TENM4: variants seen among roughly 807,000 people sequenced by gnomAD.
TENM4 encodes teneurin-4.
A neutral mutation model predicts 243.3 loss-of-function variants in TENM4; 82 were observed. The ratio of observed to expected loss-of-function variants is 0.34; its 90% CI spans 0.28 to 0.40. TENM4 has a LOEUF of 0.40. Ranked by LOEUF, TENM4 falls within the 10% of genes least tolerant of loss-of-function variation. TENM4 has a pLI of 1.00. For missense variants in TENM4, 3,138 were observed against 3,673.3 expected (o/e 0.85, Z 3.77); for synonymous variants, 1,412 against 1,456.3 (o/e 0.97, Z 0.69).
chr11:79,075,036 C>A (rs549349526), intron 4 of TENM4, among the ~76,000 whole-genome samples: 3 of 152,186 alleles, frequency 2.0e-5, no homozygotes, highest in African/African-American at 7.2e-5. Flanking sequence ...GGATCCTGAC[C>A]AATGATACAG....
intron 6 of TENM4, among the ~76,000 whole-genome samples, chr11:78,917,416 G>A (rs1208988614): frequency 6.6e-6 from 1 of 152,202 alleles, no homozygotes; most frequent in African/African-American, 2.4e-5. Context: ...GGGAAAAGGT[G>A]GAAAGCATCT....
chr11:78,687,510 G>A (rs557571299), intron 29 of TENM4, among the ~76,000 whole-genome samples: 25 of 152,178 alleles, frequency 1.6e-4, no homozygotes, highest in African/African-American at 5.5e-4. Flanking sequence ...GAACAATTGA[G>A]GCAGATAATT....
intron 1 of TENM4, among the ~76,000 whole-genome samples, chr11:79,339,803 G>A (rs1410588645): frequency 1.3e-5 from 2 of 152,112 alleles, no homozygotes; most frequent in Non-Finnish European, 2.9e-5. Context: ...GAGGAGGGAT[G>A]AAGGAGAAAG....
chr11:78,967,686 C>T (rs1857465319), intron 6 of TENM4, among the ~76,000 whole-genome samples: 1 of 152,176 alleles, frequency 6.6e-6, no homozygotes, highest in Non-Finnish European at 1.5e-5. Context: ...GTAGGTGTGC[C>T]TTCCCACATG....
At position 78,656,150 on chromosome 11, in the gene TENM4, T is replaced by G. The variant is rs1310491281; in HGVS notation, c.*1908A>C. On this transcript the variant is annotated 3_prime_UTR_variant, in exon 34 of 34. Transcript: ENST00000278550. ...TCTGCCAGGCAGAACCCAGACTACA[T>G]GCTGCTCCGATCCTCATGCAGTCAG... is the stretch of plus-strand genomic sequence containing the variant. 2.0e-5 allele frequency: 3 copies of G among 152,352 alleles called. No individual in the cohort carries two copies. In the East Asian group the frequency reaches 5.8e-4, roughly 29 times the overall value. 9.4% of individuals were successfully genotyped at this position (152,352 alleles called of 1,614,324 possible). A position where few individuals can be genotyped will look rare whatever the true frequency, so the allele number is the denominator to read the frequency against.
chr11:79,122,749 A>T (rs1416252208), intron 4 of TENM4, among the ~76,000 whole-genome samples: 1 of 152,176 alleles, frequency 6.6e-6, no homozygotes, highest in Non-Finnish European at 1.5e-5. Context: ...TGCCCACACA[A>T]CTGTCCATCC....
At chr11:78,943,855 A>G (rs979091031) in intron 6 of TENM4, among the ~76,000 whole-genome samples, 4 of 152,222 alleles carry the variant, frequency 2.6e-5, no homozygotes, top group African/African-American at 7.2e-5. Flanking sequence ...GATTCTATTT[A>G]CCATGTATTT....
chr11:78,791,948 A>C (rs1857064906), intron 15 of TENM4, among the ~76,000 whole-genome samples: 1 of 152,192 alleles, frequency 6.6e-6, no homozygotes, highest in Non-Finnish European at 1.5e-5. Flanking sequence ...CTAGGAGTAC[A>C]CAAGCCATAG....
chr11:78,958,687 TGGG>T (rs1239944659), intron 6 of TENM4, among the ~76,000 whole-genome samples: 1 of 152,340 alleles, frequency 6.6e-6, no homozygotes, highest in Admixed American at 6.5e-5. Context: ...AGAGGGCCTC[TGGG>T]GTGATGCTGG....
At chr11:79,331,314 C>CT (rs1325474164) in intron 1 of TENM4, among the ~76,000 whole-genome samples, 3 of 152,056 alleles carry the variant, frequency 2.0e-5, no homozygotes, top group Admixed American at 2.0e-4. Context: ...GAGTAAGAGT[C>CT]TTGAGTTTAG....
intron 17 of TENM4, among the ~76,000 whole-genome samples, chr11:78,772,851 T>C (rs538463819): frequency 6.6e-6 from 1 of 152,332 alleles, no homozygotes; most frequent in African/African-American, 2.4e-5. Context: ...CTCCAGAAGT[T>C]AGAAGTGTAT....
rs190470388 is a variant in TENM4 at position 79,324,455 on chromosome 11, C to A, written c.-320-26912G>T. Reference sequence around the variant, plus strand: ...AGGCTGGTTGGTCTCAAATTCCTTGCCTCAAGTGATCCTCCTGCCTTGGCT... The same window carrying A: ...AGGCTGGTTGGTCTCAAATTCCTTGACTCAAGTGATCCTCCTGCCTTGGCT... On this transcript the variant is annotated intron_variant, in intron 1 of 33. Transcript: ENST00000278550. 2.2e-4 allele frequency among the ~76,000 whole-genome samples: 34 copies of A among 152,134 alleles called. No individual in the cohort carries two copies. In the East Asian group the frequency reaches 6.4e-3, roughly 29 times the overall value.
chr11:78,686,912 A>G (rs1858689537), intron 29 of TENM4, among the ~76,000 whole-genome samples: 1 of 152,236 alleles, frequency 6.6e-6, no homozygotes, highest in Non-Finnish European at 1.5e-5. Context: ...TTGTAAGAAT[A>G]TACAGACATT....
chr11:79,283,592 C>G (rs1856197515), intron 2 of TENM4, among the ~76,000 whole-genome samples: 1 of 152,130 alleles, frequency 6.6e-6, no homozygotes, highest in Non-Finnish European at 1.5e-5. Context: ...ACAAAAAACT[C>G]ACATCTAACA....
intron 16 of TENM4, 110 bp from the exon 17 acceptor site, chr11:78,778,738 T>C: frequency 1.0e-6 from 1 of 996,768 alleles, no homozygotes; most frequent in Non-Finnish European, 1.5e-6. Context: ...GCCCCACGTT[T>C]GGGACAGGCC....
chr11:78,909,420 C>T (rs1188841493), intron 6 of TENM4, among the ~76,000 whole-genome samples: 2 of 152,276 alleles, frequency 1.3e-5, no homozygotes, highest in East Asian at 1.9e-4. Flanking sequence ...AAGCAATTTG[C>T]CCAGGATTTC....
intron 1 of TENM4, among the ~76,000 whole-genome samples, chr11:79,396,617 T>G (rs1858350614): frequency 1.3e-5 from 2 of 152,192 alleles, no homozygotes; most frequent in African/African-American, 4.8e-5. Flanking sequence ...GCAGCCATAA[T>G]TGGGAGGCCG....
At chr11:79,129,224 G>A (rs999704189) in intron 4 of TENM4, among the ~76,000 whole-genome samples, 1 of 152,204 alleles carries the variant, frequency 6.6e-6, no homozygotes, top group Admixed American at 6.5e-5. Context: ...GGAGCTTGCT[G>A]GGAGCCCAAG....
chr11:79,137,239 A>C (rs1404918205), intron 4 of TENM4, among the ~76,000 whole-genome samples: 4 of 152,196 alleles, frequency 2.6e-5, no homozygotes, highest in Admixed American at 2.0e-4. Flanking sequence ...TTCCACCTTT[A>C]AGTCAACAGG....
Sources: gnomAD v4.1 joint callset for allele counts (sites outside exome capture counted in the v4.1 genomes callset) on GRCh38, gnomAD v4.1.1 for gene constraint, MANE v1.5 for transcripts, NCBI Gene and HGNC (gene_info 2026-07-23, HGNC 2026-07-21) for gene names.